The following FHIT variants were observed in gnomAD, a reference collection of about 807,000 sequenced individuals.
The protein encoded by FHIT is fragile histidine triad diadenosine triphosphatase.
FHIT carries 19 observed loss-of-function variants against 17.9 expected under a neutral mutation model. The observed-to-expected ratio is 1.06, with a 90% CI of 0.74 to 1.56. FHIT has a LOEUF of 1.56. FHIT is among the 40% of genes most tolerant of loss of function. FHIT has a pLI of 0.00. For synonymous variants in FHIT, 81 were observed against 69.7 expected, an observed-to-expected ratio of 1.16 and a Z score of -0.81; for missense variants, 248 against 189.2, an observed-to-expected ratio of 1.31 and a Z score of -1.82.
Position 60,390,396 on chromosome 3 carries a change from T to TAAAAAAAAAAAAAAAAAAA in FHIT, c.103+146445_103+146463dup, listed in dbSNP as rs869078939. 4.1e-4 allele frequency among the ~76,000 whole-genome samples: 13 copies of TAAAAAAAAAAAAAAAAAAA among 32,028 alleles called. 1 individual carries two copies. Among genetic ancestry groups the TAAAAAAAAAAAAAAAAAAA allele is most frequent in the African/African-American group, 1.5e-3 (12 of 8,210 alleles). The allele number at this position is 32,028 out of a possible 152,430, so 21.0% of individuals were successfully genotyped here. A position where few individuals can be genotyped will look rare whatever the true frequency, so the allele number is the denominator to read the frequency against. On this transcript the variant is annotated intron_variant, in intron 5 of 9. Transcript: ENST00000492590. Reference sequence around the variant, plus strand: ...TGGTCCCTTAAGATTGTAATGGAGCTAAAAAAAAAAAAAAAAAAAAAAAAA... The same window carrying TAAAAAAAAAAAAAAAAAAA: ...TGGTCCCTTAAGATTGTAATGGAGCTAAAAAAAAAAAAAAAAAAAAAAAAAAAAAAAAAAAAAAAAAAAA...
intron 4 of FHIT, among the ~76,000 whole-genome samples, chr3:60,570,567 C>T (rs1425876139): frequency 6.6e-6 from 1 of 151,822 alleles, no homozygotes; most frequent in Non-Finnish European, 1.5e-5. Flanking sequence ...GAAGTGCCAC[C>T]CCTTTGTGAA....
intron 5 of FHIT, among the ~76,000 whole-genome samples, chr3:60,427,221 G>T (rs1702702978): frequency 6.6e-6 from 1 of 152,140 alleles, no homozygotes; most frequent in Non-Finnish European, 1.5e-5. Context: ...CCATGTGGCG[G>T]AGACCTGAGA....
At chr3:59,808,877 A>G (rs959424870) in intron 8 of FHIT, among the ~76,000 whole-genome samples, 1 of 152,150 alleles carries the variant, frequency 6.6e-6, no homozygotes, top group Non-Finnish European at 1.5e-5. Flanking sequence ...CACAAAAGAC[A>G]CCAAAAACTC....
chr3:60,681,782 A>G (rs1302600400), intron 4 of FHIT, among the ~76,000 whole-genome samples: 2 of 152,170 alleles, frequency 1.3e-5, no homozygotes, highest in African/African-American at 4.8e-5. Flanking sequence ...AATTCTATGA[A>G]GGCTAAAAGA....
chr3:60,741,267 A>G (rs2108009456), intron 4 of FHIT, among the ~76,000 whole-genome samples: 1 of 152,334 alleles, frequency 6.6e-6, no homozygotes, highest in Non-Finnish European at 1.5e-5. Flanking sequence ...CTGTTTCAGC[A>G]CCTACTGTGT....
intron 1 of FHIT, among the ~76,000 whole-genome samples, chr3:61,224,523 C>T (rs1263056791): frequency 6.6e-6 from 1 of 152,070 alleles, no homozygotes; most frequent in Non-Finnish European, 1.5e-5. Context: ...AATTCTCCTG[C>T]CTCAGCCTCC....
intron 3 of FHIT, among the ~76,000 whole-genome samples, chr3:60,970,878 G>C (rs1262942650): frequency 2.6e-5 from 4 of 152,018 alleles, no homozygotes; most frequent in Non-Finnish European, 5.9e-5. Context: ...TTATCATCCT[G>C]CTTTAGCAAT....
chr3:61,193,307 G>A (rs1006520284), intron 2 of FHIT, among the ~76,000 whole-genome samples: 5 of 152,156 alleles, frequency 3.3e-5, no homozygotes, highest in Non-Finnish European at 7.3e-5. Flanking sequence ...CCTGCTTCCT[G>A]GCAGAACTCT....
At position 60,765,301 on chromosome 3, in the gene FHIT, A is replaced by C. The variant is rs533870900; in HGVS notation, c.-18+56618T>G. Reference sequence around the variant, plus strand: ...AAAAGGAAGTTTAGGGAGTTTAGACACCAAGAGACTGGACCTTCTCAAAAG... The same window carrying C: ...AAAAGGAAGTTTAGGGAGTTTAGACCCCAAGAGACTGGACCTTCTCAAAAG... On this transcript the variant is annotated intron_variant, in intron 4 of 9. Transcript: ENST00000492590. 3.9e-5 allele frequency among the ~76,000 whole-genome samples: 6 copies of C among 152,332 alleles called. No individual in the cohort carries two copies. The East Asian group carries it at 1.2e-3, about 29-fold the overall frequency.
intron 5 of FHIT, among the ~76,000 whole-genome samples, chr3:60,448,788 T>C (rs1420976179): frequency 6.6e-6 from 1 of 152,174 alleles, no homozygotes; most frequent in South Asian, 2.1e-4. Flanking sequence ...CTGGGAGCCA[T>C]GATTCTTCCC....
At chr3:60,150,396 G>A (rs1700414494) in intron 5 of FHIT, among the ~76,000 whole-genome samples, 1 of 152,086 alleles carries the variant, frequency 6.6e-6, no homozygotes, top group African/African-American at 2.4e-5. Context: ...CTACCCTAGT[G>A]GGGATATGGC....
intron 3 of FHIT, among the ~76,000 whole-genome samples, chr3:60,938,930 T>C (rs1466644813): frequency 1.3e-5 from 2 of 152,226 alleles, no homozygotes; most frequent in African/African-American, 4.8e-5. Flanking sequence ...TTGTAAATAA[T>C]GAACATACGG....
intron 3 of FHIT, among the ~76,000 whole-genome samples, chr3:60,892,209 A>C: frequency 6.6e-6 from 1 of 152,208 alleles, no homozygotes; most frequent in East Asian, 1.9e-4. Context: ...TTTTGGTGTT[A>C]ACATATCCTC....
At chr3:60,178,204 A>C (rs911296122) in intron 5 of FHIT, among the ~76,000 whole-genome samples, 2 of 152,192 alleles carry the variant, frequency 1.3e-5, no homozygotes, top group African/African-American at 4.8e-5. Flanking sequence ...TCTTCAGTGC[A>C]CATGACCTAT....
At chr3:60,427,390 C>A (rs1702712515) in intron 5 of FHIT, among the ~76,000 whole-genome samples, 1 of 152,102 alleles carries the variant, frequency 6.6e-6, no homozygotes, top group Non-Finnish European at 1.5e-5. Context: ...GCACAGTCAA[C>A]TGACACCTTG....
At chr3:61,242,598 G>T (rs994173456) in intron 1 of FHIT, among the ~76,000 whole-genome samples, 1 of 152,184 alleles carries the variant, frequency 6.6e-6, no homozygotes, top group African/African-American at 2.4e-5. Flanking sequence ...AACAGAGAAA[G>T]AATTTAATTC....
intron 2 of FHIT, among the ~76,000 whole-genome samples, chr3:61,127,278 T>C (rs1200711125): frequency 6.6e-6 from 1 of 152,180 alleles, no homozygotes; most frequent in Non-Finnish European, 1.5e-5. Flanking sequence ...GGTTGGATGC[T>C]GGATGTAAGA....
intron 8 of FHIT, among the ~76,000 whole-genome samples, chr3:59,754,034 G>A (rs1698813493): frequency 6.6e-6 from 1 of 151,812 alleles, no homozygotes; most frequent in African/African-American, 2.4e-5. Context: ...ACTAATAAAT[G>A]ACTTTTGCTA....
At chr3:61,102,296 G>A (rs1163929532) in intron 2 of FHIT, among the ~76,000 whole-genome samples, 4 of 152,170 alleles carry the variant, frequency 2.6e-5, no homozygotes, top group Admixed American at 1.3e-4. Context: ...GACCTTTTCT[G>A]CATCTACTGA....
Sources: allele counts gnomAD v4.1 joint callset (sites outside exome capture counted in the v4.1 genomes callset), GRCh38; gene constraint gnomAD v4.1.1; transcripts MANE v1.5; gene names NCBI Gene and HGNC (gene_info 2026-07-23, HGNC 2026-07-21).